ARHGEF7: variants seen among roughly 807,000 people sequenced by gnomAD.
ARHGEF7 encodes the protein PAK-interacting exchange factor beta.
In ARHGEF7, 33 loss-of-function variants were observed where a neutral mutation model predicts 109.8. The ratio of observed to expected loss-of-function variants is 0.30; its 90% CI spans 0.23 to 0.40. The LOEUF (loss-of-function observed/expected upper bound fraction) is 0.40, where lower values mean the gene tolerates loss of function less well. ARHGEF7 is among the 10% of genes least tolerant of loss of function. The pLI is 1.00. For synonymous variants in ARHGEF7, 458 were observed against 424.6 expected (o/e 1.08, Z -0.97); for missense variants, 938 against 1,098.5 (o/e 0.85, Z 2.07).
At chr13:111,291,916 G>T (rs976871394) in intron 18 of ARHGEF7, among the ~76,000 whole-genome samples, 1 of 152,080 alleles carries the variant, frequency 6.6e-6, no homozygotes, top group Non-Finnish European at 1.5e-5. Context: ...TTATTCTAAG[G>T]GTTTTGCTAA....
intron 3 of ARHGEF7, 146 bp from the exon 4 acceptor site, chr13:111,209,722 GTTCT>G: frequency 1.2e-6 from 1 of 834,638 alleles, no homozygotes; most frequent in Non-Finnish European, 1.8e-6. Context: ...CAAATAATTT[GTTCT>G]TTGTTTTCTG....
At chr13:111,282,905 C>T in intron 15 of ARHGEF7, 1 of 620,846 alleles carries the variant, frequency 1.6e-6, no homozygotes, top group Non-Finnish European at 2.8e-6. Context: ...AGCTGCCCCT[C>T]CTGTCTGGGG....
At chr13:111,289,794 T>TA (rs2093198347) in intron 18 of ARHGEF7, among the ~76,000 whole-genome samples, 1 of 81,240 alleles carries the variant, frequency 1.2e-5, no homozygotes, top group South Asian at 7.2e-4. Context: ...TCCAGAAGCT[T>TA]CTTTTTTTTT....
chr13:111,192,520 A>G (rs1358840565), intron 2 of ARHGEF7, among the ~76,000 whole-genome samples: 2 of 152,234 alleles, frequency 1.3e-5, no homozygotes, highest in East Asian at 1.9e-4. Context: ...AGCATTTCAT[A>G]TGGACTGAGC....
intron 5 of ARHGEF7, among the ~76,000 whole-genome samples, chr13:111,227,531 T>C (rs2085373363): frequency 6.6e-6 from 1 of 152,236 alleles, no homozygotes; most frequent in Admixed American, 6.5e-5. Flanking sequence ...TGTACTTTTT[T>C]TAAAGACAGT....
chr13:111,267,616 A>G lies in ARHGEF7; in HGVS notation c.1019A>G (p.Tyr340Cys). ...LNLMPQMKTL[Y>C]LTYCANHPSA... Reference sequence around the variant, plus strand: ...CTGATGCCACAGATGAAAACCCTGTACCTCACGTATTGTGCCAATCACCCT... The same window carrying G: ...CTGATGCCACAGATGAAAACCCTGTGCCTCACGTATTGTGCCAATCACCCT... Residue 340 changes from tyrosine (Y) to cysteine (C), a missense_variant, in exon 9 of 22, where the codon TAC (tyrosine) becomes TGC (cysteine). Tyr to Cys is a radical substitution (Grantham distance 194). Around this residue, in one of 4 missense-constraint regions of ARHGEF7, gnomAD observed 585 missense variants for 723.6 expected, o/e 0.81. Coordinates refer to ENST00000646102, the MANE Select transcript of ARHGEF7 (RefSeq NM_001354046.2). 1 of 1,614,144 alleles carries G rather than the reference A, an allele frequency of 6.2e-7. No homozygotes were observed. The highest frequency in any genetic ancestry group is 8.5e-7 in the Non-Finnish European group (1 of 1,179,978).
intron 2 of ARHGEF7, among the ~76,000 whole-genome samples, chr13:111,179,523 C>G (rs1023640016): frequency 6.6e-6 from 1 of 152,160 alleles, no homozygotes; most frequent in Non-Finnish European, 1.5e-5. Context: ...CATTATCACA[C>G]CCAGAAATTT....
chr13:111,204,301 G>A (rs987149881), intron 2 of ARHGEF7, among the ~76,000 whole-genome samples: 1 of 152,210 alleles, frequency 6.6e-6, no homozygotes, highest in Non-Finnish European at 1.5e-5. Context: ...CTTATTTCCG[G>A]TAATCTCAGT....
At chr13:111,284,251 G>A (rs2092921392) in intron 16 of ARHGEF7, among the ~76,000 whole-genome samples, 1 of 152,162 alleles carries the variant, frequency 6.6e-6, no homozygotes, top group Non-Finnish European at 1.5e-5. Context: ...TCTGGTCAAG[G>A]CCACATTTGC....
intron 3 of ARHGEF7, among the ~76,000 whole-genome samples, chr13:111,206,736 C>T (rs947554359): frequency 1.1e-4 from 17 of 151,850 alleles, no homozygotes; most frequent in Admixed American, 8.5e-4. Context: ...CCGAGGCGGG[C>T]GGATCACGAG....
At chr13:111,253,640 G>T (rs2090059015) in intron 8 of ARHGEF7, among the ~76,000 whole-genome samples, 2 of 152,144 alleles carry the variant, frequency 1.3e-5, no homozygotes, top group African/African-American at 4.8e-5. Flanking sequence ...AATAGTGAGG[G>T]TGCCTGGATC....
chr13:111,241,794 A>G (rs2087835163), intron 6 of ARHGEF7, among the ~76,000 whole-genome samples: 1 of 152,224 alleles, frequency 6.6e-6, no homozygotes, highest in Admixed American at 6.5e-5. Flanking sequence ...TGCAGTGAGC[A>G]GTATTGGTAA....
At chr13:111,120,248 CA>C (rs2067091914) in intron 1 of ARHGEF7, among the ~76,000 whole-genome samples, 2 of 152,154 alleles carry the variant, frequency 1.3e-5, no homozygotes, top group Admixed American at 1.3e-4. Context: ...AGAAAGCAAA[CA>C]AACTGAAATT....
intron 1 of ARHGEF7, among the ~76,000 whole-genome samples, chr13:111,123,191 C>A (rs566535370): frequency 4.3e-4 from 66 of 152,318 alleles, no homozygotes; most frequent in Admixed American, 3.9e-3. Context: ...CTAGCCCAGG[C>A]CTTGGAAAGG....
At chr13:111,200,803 G>T (rs1177392294) in intron 2 of ARHGEF7, among the ~76,000 whole-genome samples, 1 of 152,196 alleles carries the variant, frequency 6.6e-6, no homozygotes, top group Admixed American at 6.5e-5. Context: ...CCAGTGCAGG[G>T]CCCCTTCTGG....
chr13:111,158,261 A>C (rs1377248278), intron 2 of ARHGEF7, among the ~76,000 whole-genome samples: 1 of 152,242 alleles, frequency 6.6e-6, no homozygotes, highest in Non-Finnish European at 1.5e-5. Context: ...GTGGGCTCAC[A>C]TACAGTGTTA....
intron 2 of ARHGEF7, among the ~76,000 whole-genome samples, chr13:111,174,655 A>G (rs2077944039): frequency 6.6e-6 from 1 of 152,212 alleles, no homozygotes; most frequent in African/African-American, 2.4e-5. Context: ...TAAAGTAGAC[A>G]TCTGGAGGGC....
At chr13:111,123,505 G>A (rs1009476860) in intron 1 of ARHGEF7, among the ~76,000 whole-genome samples, 3 of 151,824 alleles carry the variant, frequency 2.0e-5, no homozygotes, top group African/African-American at 4.8e-5. Context: ...ATACATGCCC[G>A]TGCCATTCTT....
chr13:111,293,452 A>C (rs2093349993), intron 19 of ARHGEF7: 1 of 985,116 alleles, frequency 1.0e-6, no homozygotes, highest in Admixed American at 6.2e-5. Context: ...AAAAAAAAAA[A>C]AACTCACCCG....
Sources: allele counts gnomAD v4.1 joint callset (sites outside exome capture counted in the v4.1 genomes callset), GRCh38; gene constraint gnomAD v4.1.1; regional missense constraint gnomAD v4.1.1; transcripts MANE v1.5; gene names NCBI Gene and HGNC (gene_info 2026-07-23, HGNC 2026-07-21).